MRPS9: variants seen among roughly 807,000 people sequenced by gnomAD.
MRPS9 encodes the protein mitochondrial ribosomal protein S9, also known as small ribosomal subunit protein uS9m.
MRPS9 carries 45 observed loss-of-function variants against 59.9 expected under a neutral mutation model. The observed-to-expected ratio is 0.75, with a 90% CI of 0.59 to 0.96. MRPS9 has a LOEUF of 0.96. MRPS9 is among the 40% of genes least tolerant of loss of function. MRPS9 has a pLI of 0.00. For missense variants in MRPS9, 473 were observed against 481.1 expected (o/e 0.98, Z 0.16); for synonymous variants, 171 against 166.8 (o/e 1.03, Z -0.19).
In MRPS9 at chr2:105,063,924, C is replaced by T. The variant is rs117311160; in HGVS notation, c.316-7389C>T. Among the ~76,000 whole-genome samples the T allele has an allele frequency of 3.5e-3, 533 of 152,120 alleles. 5 individuals carry two copies. The highest frequency in any genetic ancestry group is 0.011 in the African/African-American group (470 of 41,488). ...GCCTTCAAAAACACACCTGCAGACA[C>T]GACCGAGGTAAAATCAAAGATTTGG... On this transcript the variant is annotated intron_variant, in intron 2 of 10. Transcript: ENST00000258455.
At chr2:105,044,185 G>T (rs929090521) in intron 1 of MRPS9, among the ~76,000 whole-genome samples, 2 of 152,006 alleles carry the variant, frequency 1.3e-5, no homozygotes, top group Admixed American at 1.3e-4. Context: ...CGCCCACTTC[G>T]GCCTCCCAAA....
At chr2:105,097,351 G>A in intron 10 of MRPS9, 27 bp downstream of exon 10, 1 of 1,550,726 alleles carries the variant, frequency 6.4e-7, no homozygotes, top group Non-Finnish European at 8.7e-7. Flanking sequence ...GACGGGCATG[G>A]TGGCCCAATA....
chr2:105,092,249 T>A, intron 7 of MRPS9, 152 bp from the exon 8 acceptor site: 1 of 531,656 alleles, frequency 1.9e-6, no homozygotes, highest in East Asian at 3.1e-5. Flanking sequence ...ATCTGCATGC[T>A]GTTTTAAAAG....
chr2:105,039,554 A>G (rs1389005834), intron 1 of MRPS9, among the ~76,000 whole-genome samples: 1 of 152,132 alleles, frequency 6.6e-6, no homozygotes, highest in Non-Finnish European at 1.5e-5. Flanking sequence ...ATACATGCAC[A>G]GGTGTACTTT....
At chr2:105,087,724 G>C in intron 5 of MRPS9, among the ~76,000 whole-genome samples, 1 of 151,762 alleles carries the variant, frequency 6.6e-6, no homozygotes, top group Admixed American at 6.6e-5. Context: ...GTATTATATC[G>C]GCTTTTCTCA....
In MRPS9 at chr2:105,093,655, G is replaced by T; in HGVS notation, c.929+17G>T. The T allele has an allele frequency of 7.1e-7, 1 of 1,402,010 alleles. No individual in the cohort carries two copies. The highest frequency in any genetic ancestry group is 1.4e-5 in the African/African-American group (1 of 69,058). 86.8% of individuals were successfully genotyped at this position (1,402,010 alleles called of 1,614,324 possible). ...ACAGGACAGGTTCGTTTTGGGTTCT[G>T]ATTTTTTGTTTTTAAAGGAAACATA... is the stretch of plus-strand genomic sequence containing the variant. On this transcript the variant is annotated intron_variant, in intron 9 of 10. Transcript: ENST00000258455.
At chr2:105,077,432 G>A (rs1558758992) in intron 4 of MRPS9, among the ~76,000 whole-genome samples, 1 of 152,186 alleles carries the variant, frequency 6.6e-6, no homozygotes, top group African/African-American at 2.4e-5. Flanking sequence ...TAAAAAGAGT[G>A]AGATAGAGCT....
At chr2:105,085,266 G>A (rs1164949643) in intron 5 of MRPS9, among the ~76,000 whole-genome samples, 1 of 152,044 alleles carries the variant, frequency 6.6e-6, no homozygotes, top group African/African-American at 2.4e-5. Flanking sequence ...ATTTTTATTT[G>A]TTTGATTTGA....
At chr2:105,078,809 A>C (rs542283233) in intron 4 of MRPS9, among the ~76,000 whole-genome samples, 2 of 152,326 alleles carry the variant, frequency 1.3e-5, no homozygotes, top group Non-Finnish European at 2.9e-5. Context: ...ACAAACATAA[A>C]TTCCAGATAG....
intron 5 of MRPS9, among the ~76,000 whole-genome samples, chr2:105,081,038 G>A (rs149294004): frequency 1.3e-5 from 2 of 152,160 alleles, no homozygotes; most frequent in African/African-American, 2.4e-5. Context: ...CTGCGGCTCC[G>A]GCTCGGTAGA....
At chr2:105,053,157 A>G (rs1231107014) in intron 2 of MRPS9, among the ~76,000 whole-genome samples, 2 of 152,220 alleles carry the variant, frequency 1.3e-5, no homozygotes, top group East Asian at 1.9e-4. Flanking sequence ...ATCTGAAGGT[A>G]TAAGTATTTT....
chr2:105,084,915 A>G (rs547866341), intron 5 of MRPS9, among the ~76,000 whole-genome samples: 6 of 152,168 alleles, frequency 3.9e-5, no homozygotes, highest in Non-Finnish European at 5.9e-5. Flanking sequence ...TCAACATATT[A>G]TTGTCTCTAT....
chr2:105,082,251 T>C (rs1339098689), intron 5 of MRPS9, among the ~76,000 whole-genome samples: 1 of 152,182 alleles, frequency 6.6e-6, no homozygotes, highest in Non-Finnish European at 1.5e-5. Context: ...TATAATTTTT[T>C]CCCTATGTGG....
At chr2:105,059,671 A>G (rs1374338942) in intron 2 of MRPS9, among the ~76,000 whole-genome samples, 1 of 151,974 alleles carries the variant, frequency 6.6e-6, no homozygotes, top group East Asian at 1.9e-4. Flanking sequence ...TATTTCAGAT[A>G]ATTATGAAAT....
At chr2:105,073,188 T>A (rs1680145875) in intron 4 of MRPS9, among the ~76,000 whole-genome samples, 1 of 152,120 alleles carries the variant, frequency 6.6e-6, no homozygotes, top group African/African-American at 2.4e-5. Context: ...TCTTTATATC[T>A]CTACTAGTTG....
At chr2:105,086,799 C>T (rs1316192503) in intron 5 of MRPS9, among the ~76,000 whole-genome samples, 1 of 151,902 alleles carries the variant, frequency 6.6e-6, no homozygotes, top group Non-Finnish European at 1.5e-5. Context: ...GTTTCCTTAC[C>T]AGAGCACCCC....
At chr2:105,090,055 T>C (rs1680528179) in intron 7 of MRPS9, 60 bp downstream of exon 7, 2 of 932,150 alleles carry the variant, frequency 2.1e-6, no homozygotes, top group Non-Finnish European at 3.3e-6. Context: ...AGACAATTGC[T>C]GTATTTAGGA....
rs553122178 is a variant in MRPS9, at chr2:105,081,687, A to G, written c.489+1625A>G. On this transcript the variant is annotated intron_variant, in intron 5 of 10. Transcript: ENST00000258455. ...AAGAAACTGATCAGTTTCTAAGTGG[A>G]TGAAATGTTACCATACTCTCTGACT... Among the ~76,000 whole-genome samples, 5 of 152,360 alleles carry G rather than the reference A, an allele frequency of 3.3e-5. No individual in the cohort carries two copies. In the South Asian group the frequency reaches 1.0e-3, roughly 32 times the overall value.
chr2:105,078,482 GA>G (rs1385456465), intron 4 of MRPS9, among the ~76,000 whole-genome samples: 1 of 152,036 alleles, frequency 6.6e-6, no homozygotes, highest in Non-Finnish European at 1.5e-5. Context: ...ACCATACAGT[GA>G]AAATCAATTG....
Sources: allele counts gnomAD v4.1 joint callset (sites outside exome capture counted in the v4.1 genomes callset), GRCh38; gene constraint gnomAD v4.1.1; transcripts MANE v1.5; gene names NCBI Gene and HGNC (gene_info 2026-07-23, HGNC 2026-07-21).